Variants in FDFT1 observed in about 807,000 individuals in gnomAD.
FDFT1 encodes squalene synthase.
In FDFT1, 68 loss-of-function variants were observed where a neutral mutation model predicts 46.8. The observed-to-expected ratio is 1.45, with a 90% CI of 1.19 to 1.78. The LOEUF (loss-of-function observed/expected upper bound fraction) is 1.78, where lower values mean the gene tolerates loss of function less well. Ranked by LOEUF, FDFT1 falls within the 40% of genes most tolerant of loss-of-function variation. The probability of loss-of-function intolerance (pLI) is 0.00; values close to 1 mark genes in which losing one functional copy is unlikely to be tolerated. For synonymous variants in FDFT1, 351 were observed against 185.1 expected (o/e 1.90, Z -7.28); for missense variants, 928 against 524.4 (o/e 1.77, Z -7.52).
At chr8:11,838,046 G>A (rs114773639) in intron 7 of FDFT1, among the ~76,000 whole-genome samples, 1 of 152,162 alleles carries the variant, frequency 6.6e-6, no homozygotes, top group Non-Finnish European at 1.5e-5. Context: ...GTCTGTGCCT[G>A]TCTACGTGAA....
intron 7 of FDFT1, among the ~76,000 whole-genome samples, chr8:11,834,080 G>A (rs1811222493): frequency 6.6e-6 from 1 of 152,228 alleles, no homozygotes; most frequent in Non-Finnish European, 1.5e-5. Flanking sequence ...TCTCCTTGCT[G>A]ACCAAGTCTG....
At position 11,821,875 on chromosome 8, in the gene FDFT1, C is replaced by A. The variant is rs775605107; in HGVS notation, c.507C>A (p.Asp169Glu). 6.2e-7 allele frequency: 1 copy of A among 1,612,656 alleles called. No homozygotes were observed. Among genetic ancestry groups the A allele is most frequent in the East Asian group, 2.2e-5 (1 of 44,824 alleles). ...ATGTGACCTCTGAACAGGAGTGGGA[C>A]AAGGTTAGTCTCATAAAACAGTGTC... Reference protein sequence around the residue: ...DKHVTSEQEWDKYCHYVAGLV... With the variant: ...DKHVTSEQEWEKYCHYVAGLV... Residue 169 changes from aspartate (D) to glutamate (E), a missense_variant, in exon 4 of 8, where the codon GAC (aspartate) becomes GAA (glutamate). Asp to Glu is a conservative substitution (Grantham distance 45, BLOSUM62 2). Transcript: ENST00000220584.
intron 1 of FDFT1, among the ~76,000 whole-genome samples, chr8:11,807,021 T>A (rs977763353): frequency 9.2e-6 from 1 of 108,540 alleles, no homozygotes; most frequent in African/African-American, 2.6e-5. Context: ...ATAGGAAATA[T>A]ATACAAATAA....
At chr8:11,831,074 T>C (rs933034215) in intron 6 of FDFT1, among the ~76,000 whole-genome samples, 2 of 152,204 alleles carry the variant, frequency 1.3e-5, no homozygotes, top group African/African-American at 4.8e-5. Context: ...TTAATCCCCT[T>C]CTGGTTGTTC....
At chr8:11,832,080 T>G (rs1015166290) in intron 7 of FDFT1, among the ~76,000 whole-genome samples, 8 of 152,184 alleles carry the variant, frequency 5.3e-5, no homozygotes, top group African/African-American at 1.9e-4. Context: ...TCTGGTACTT[T>G]CATTATGCCA....
rs985727748 is a variant in FDFT1, at chr8:11,821,618, G to A, written c.382-132G>A. ...AAACAAAAACAAAAACAAAAAAAAT[G>A]TGTGACCTAAATTAGGCTTATAGAT... On this transcript the variant is annotated intron_variant, in intron 3 of 7. Transcript: ENST00000220584. 5.6e-6 allele frequency: 6 copies of A among 1,071,316 alleles called. No individual in the cohort carries two copies. The African/African-American group carries it at 6.4e-5, about 11-fold the overall frequency. 66.4% of individuals were successfully genotyped at this position (1,071,316 alleles called of 1,614,324 possible).
chr8:11,808,709 G>GTCCCACTCCCACTCCCAC lies in FDFT1; in HGVS notation c.100-63_100-46dup, dbSNP rs71711801. The GTCCCACTCCCACTCCCAC allele has an allele frequency of 0.013, 20,294 of 1,515,030 alleles. 210 individuals are homozygous for GTCCCACTCCCACTCCCAC. The highest frequency in any genetic ancestry group is 0.055 in the Middle Eastern group (321 of 5,854). The allele number at this position is 1,515,030 out of a possible 1,614,324, so 93.8% of individuals were successfully genotyped here. ...GCAGGCTGTGGAGCCGCCTGCCCCA[G>GTCCCACTCCCACTCCCAC]TCCCACTCCCACTCCCACTCCCACT... On this transcript the variant is annotated intron_variant, in intron 1 of 7. Transcript: ENST00000220584.
chr8:11,809,539 G>C lies in FDFT1; in HGVS notation c.198-128G>C. On this transcript the variant is annotated intron_variant, in intron 2 of 7. Transcript: ENST00000220584. The stretch of plus-strand genomic sequence containing the variant: ...CTTTCGTTAAGTATGAAAAGCGTTG[G>C]ATATCCTTATAGTTCTTTAGAGTTA... 6 of 1,293,762 alleles carry C rather than the reference G, an allele frequency of 4.6e-6. No homozygotes were observed. In the South Asian group the frequency reaches 1.1e-4, roughly 25 times the overall value. The allele number at this position is 1,293,762 out of a possible 1,614,324, so 80.1% of individuals were successfully genotyped here.
At chr8:11,808,610 A>G in intron 1 of FDFT1, 184 bp from the exon 2 acceptor site, 1 of 1,390,180 alleles carries the variant, frequency 7.2e-7, no homozygotes, top group South Asian at 1.6e-5. Flanking sequence ...GCCCGGGCGC[A>G]GGCACCGCCC....
intron 3 of FDFT1, among the ~76,000 whole-genome samples, chr8:11,817,950 GT>G (rs1808690023): frequency 6.6e-6 from 1 of 152,040 alleles, no homozygotes; most frequent in East Asian, 1.9e-4. Context: ...TAATTGTGAT[GT>G]TAAGGTGTTG....
chr8:11,832,814 T>C (rs949409000), intron 7 of FDFT1, among the ~76,000 whole-genome samples: 3 of 152,102 alleles, frequency 2.0e-5, no homozygotes, highest in South Asian at 2.1e-4. Context: ...CTGTAGACTT[T>C]ATGAAAACAT....
At chr8:11,805,447 A>G (rs910726744) in intron 1 of FDFT1, among the ~76,000 whole-genome samples, 1 of 152,212 alleles carries the variant, frequency 6.6e-6, no homozygotes, top group African/African-American at 2.4e-5. Flanking sequence ...AATCAGGCAG[A>G]TCTGGCTCCT....
intron 7 of FDFT1, among the ~76,000 whole-genome samples, chr8:11,837,316 C>T (rs1811685348): frequency 6.6e-6 from 1 of 152,176 alleles, no homozygotes; most frequent in Admixed American, 6.5e-5. Context: ...CTGCAACCTC[C>T]ACCTCCCAGG....
At chr8:11,831,083 T>C (rs1339299438) in intron 6 of FDFT1, among the ~76,000 whole-genome samples, 1 of 152,182 alleles carries the variant, frequency 6.6e-6, no homozygotes, top group African/African-American at 2.4e-5. Context: ...TTCTGGTTGT[T>C]CTCCCCCTGG....
Position 11,830,383 on chromosome 8 carries a change from G to A in FDFT1, c.842G>A (p.Arg281Lys), listed in dbSNP as rs1265409132. ...GTCATCACCTACCTTTCGAGACTCAGAAACCAGAGTGTGTTTAACTTCTGT... is the reference window on the plus strand; with the variant it reads ...GTCATCACCTACCTTTCGAGACTCAAAAACCAGAGTGTGTTTAACTTCTGT... Reference protein sequence around the residue: ...PDVITYLSRLRNQSVFNFCAI... With the variant: ...PDVITYLSRLKNQSVFNFCAI... The change falls in exon 6 of 8, where the codon AGA (arginine) becomes AAA (lysine). Residue 281 changes from arginine to lysine, a missense_variant. Physicochemically the swap from Arg to Lys is conservative, Grantham distance 26 (BLOSUM62 2). Transcript: ENST00000220584. The A allele has an allele frequency of 5.0e-6, 8 of 1,613,718 alleles. No homozygotes were observed. The highest frequency in any genetic ancestry group is 3.3e-5 in the Admixed American group (2 of 59,982).
chr8:11,809,021 C>G (rs1807324684), intron 2 of FDFT1, 130 bp downstream of exon 2: 1 of 1,409,988 alleles, frequency 7.1e-7, no homozygotes, highest in Admixed American at 2.1e-5. Flanking sequence ...CAGAACATAG[C>G]CCGGCCCTAC....
intron 3 of FDFT1, among the ~76,000 whole-genome samples, chr8:11,815,338 T>A (rs1329644244): frequency 6.6e-6 from 1 of 152,192 alleles, no homozygotes; most frequent in Non-Finnish European, 1.5e-5. Context: ...ATACATGTGC[T>A]TGTGTCTTCA....
At position 11,826,083 on chromosome 8, in the gene FDFT1, A is replaced by C; in HGVS notation, c.570A>C (p.Ser190=). Residue 190 remains serine, a synonymous_variant, in exon 5 of 8, where the codon TCA becomes TCC. Transcript: ENST00000220584. Reference sequence around the variant, plus strand: ...GCCTTTCCCGTCTTTTCTCAGCCTCAGAGTTTGAAGACCCCTTAGTTGGTG... The same window carrying C: ...GCCTTTCCCGTCTTTTCTCAGCCTCCGAGTTTGAAGACCCCTTAGTTGGTG... ...GIGLSRLFSA[S]EFEDPLVGED... The C allele has an allele frequency of 1.2e-6, 2 of 1,608,720 alleles. No individual in the cohort carries two copies. Among genetic ancestry groups the C allele is most frequent in the Non-Finnish European group, 1.7e-6 (2 of 1,175,856 alleles).
At position 11,831,623 on chromosome 8, in the gene FDFT1, A is replaced by G. The variant is rs1228583817; in HGVS notation, c.985A>G (p.Thr329Ala). 1 of 1,614,090 alleles carries G rather than the reference A, an allele frequency of 6.2e-7. No individual in the cohort carries two copies. Among genetic ancestry groups the G allele is most frequent in the Admixed American group, 1.7e-5 (1 of 60,036 alleles). Reference protein sequence around the residue: ...GQAVTLMMDATNMPAVKAIIY... With the variant: ...GQAVTLMMDAANMPAVKAIIY... ...AGCAGTGACCCTGATGATGGATGCC[A>G]CCAATATGCCAGCTGTCAAAGCCAT... is the stretch of plus-strand genomic sequence containing the variant. Residue 329 changes from threonine (T) to alanine (A), a missense_variant, in exon 7 of 8, where the codon ACC becomes GCC. Physicochemically the swap from Thr to Ala is moderately conservative, Grantham distance 58 (BLOSUM62 0). Transcript: ENST00000220584.
Sources: allele counts gnomAD v4.1 joint callset (sites outside exome capture counted in the v4.1 genomes callset), GRCh38; gene constraint gnomAD v4.1.1; transcripts MANE v1.5; gene names NCBI Gene and HGNC (gene_info 2026-07-23, HGNC 2026-07-21).